The following RFX7 variants were observed in gnomAD, a reference collection of about 807,000 sequenced individuals.
The protein encoded by RFX7 is DNA-binding protein RFX7.
RFX7 carries 26 observed loss-of-function variants against 111.8 expected under a neutral mutation model. That is an observed-to-expected ratio of 0.23 (90% CI 0.17 to 0.32). The LOEUF (loss-of-function observed/expected upper bound fraction) is 0.32, where lower values mean the gene tolerates loss of function less well. RFX7 is among the 10% of genes least tolerant of loss of function. The probability of loss-of-function intolerance (pLI) is 1.00; values close to 1 mark genes in which losing one functional copy is unlikely to be tolerated. For missense variants in RFX7, 1,573 were observed against 1,772.9 expected (o/e 0.89, Z 2.02); for synonymous variants, 624 against 624.4 (o/e 1.00, Z 0.01).
chr15:56,187,977 G>A (rs1213828345), intron 2 of RFX7, among the ~76,000 whole-genome samples: 1 of 152,148 alleles, frequency 6.6e-6, no homozygotes, highest in Non-Finnish European at 1.5e-5. Context: ...GCAGCTCACA[G>A]ACACTAAATC....
intron 2 of RFX7, among the ~76,000 whole-genome samples, chr15:56,190,705 A>T (rs1255732619): frequency 1.3e-5 from 2 of 152,084 alleles, no homozygotes; most frequent in Non-Finnish European, 2.9e-5. Context: ...ATCAGACAGC[A>T]GAAGCACCAT....
intron 9 of RFX7, among the ~76,000 whole-genome samples, chr15:56,097,764 A>AAAAAAAAAAAAAT (rs1186651251): frequency 6.6e-6 from 1 of 150,410 alleles, no homozygotes; most frequent in Non-Finnish European, 1.5e-5. Context: ...AAAAAAAAAA[A>AAAAAAAAAAAAAT]AAAAAAATCT....
chr15:56,145,052 G>A (rs1406184794), intron 3 of RFX7, among the ~76,000 whole-genome samples: 3 of 152,190 alleles, frequency 2.0e-5, no homozygotes, highest in East Asian at 1.9e-4. Flanking sequence ...CCTTACAGAT[G>A]TAATTATTTG....
chr15:56,222,251 T>C (rs1329788582), intron 2 of RFX7, among the ~76,000 whole-genome samples: 1 of 152,212 alleles, frequency 6.6e-6, no homozygotes, highest in African/African-American at 2.4e-5. Context: ...TCCCTATGTA[T>C]ATCACGTATC....
intron 5 of RFX7, among the ~76,000 whole-genome samples, chr15:56,137,974 G>T (rs1232589305): frequency 4.6e-5 from 7 of 151,786 alleles, no homozygotes; most frequent in African/African-American, 1.7e-4. Flanking sequence ...ACTGTGGTCT[G>T]AGAGACAGTT....
rs553119350 is a variant in RFX7 at position 56,207,238 on chromosome 15, T to C, written c.162-27935A>G. 4.6e-5 allele frequency among the ~76,000 whole-genome samples: 7 copies of C among 152,218 alleles called. No homozygotes were observed. The South Asian group carries it at 8.3e-4, about 18-fold the overall frequency. On this transcript the variant is annotated intron_variant, in intron 2 of 9. Transcript: ENST00000559447. ...TACCTAGAGTAGTGAAATTCTGAGA[T>C]AGAAAGTAGAACTGTGGGTATCAGA...
chr15:56,220,877 A>C (rs1475436297), intron 2 of RFX7, among the ~76,000 whole-genome samples: 16 of 152,198 alleles, frequency 1.1e-4, no homozygotes, highest in Non-Finnish European at 1.3e-4. Flanking sequence ...AAATGGGTCC[A>C]GTTTCAATTC....
chr15:56,094,846 G>A lies in RFX7; in HGVS notation c.2882C>T (p.Thr961Ile). The change falls in exon 10 of 10, where the codon ACC (threonine) becomes ATC (isoleucine). Residue 961 changes from threonine to isoleucine, a missense_variant. By Grantham distance (89) the Thr-to-Ile change is moderately conservative. This residue lies in a region of RFX7 where 625 missense variants were observed against 632.2 expected (regional missense o/e 0.99). Coordinates refer to ENST00000559447, the MANE Select transcript of RFX7 (RefSeq NM_022841.7). ...TPTPTPTPTP[T>I]PTPTSEMIAG... ...AATCATTTCAGATGTCGGGGTTGGG[G>A]TTGGGGTTGGAGTAGGAGTGGGTGT... 2 of 1,557,214 alleles carry A rather than the reference G, an allele frequency of 1.3e-6. No homozygotes were observed. Among genetic ancestry groups the A allele is most frequent in the Non-Finnish European group, 1.7e-6 (2 of 1,150,826 alleles).
Position 56,095,248 on chromosome 15 carries a change from G to A in RFX7, c.2480C>T (p.Pro827Leu), listed in dbSNP as rs763680175. The change falls in exon 10 of 10, where the codon CCA (proline) becomes CTA (leucine). Residue 827 changes from proline (P) to leucine (L), a missense_variant. This residue lies in a region of RFX7 where 625 missense variants were observed against 632.2 expected (regional missense o/e 0.99). Coordinates refer to ENST00000559447, the MANE Select transcript of RFX7 (RefSeq NM_022841.7). Reference sequence around the variant, plus strand: ...TAGCTGCTGGCTATATGTGTCCTGTGGCATTCCTTCTAATTCCCAAACAGA... The same window carrying A: ...TAGCTGCTGGCTATATGTGTCCTGTAGCATTCCTTCTAATTCCCAAACAGA... Reference protein sequence around the residue: ...EKSVWELEGMPQDTYSQQLHS... With the variant: ...EKSVWELEGMLQDTYSQQLHS... The A allele has an allele frequency of 8.7e-6, 14 of 1,613,578 alleles. No homozygotes were observed. The highest frequency in any genetic ancestry group is 1.2e-5 in the Non-Finnish European group (14 of 1,179,710).
chr15:56,175,592 G>A (rs1209462187), intron 3 of RFX7, among the ~76,000 whole-genome samples: 1 of 152,080 alleles, frequency 6.6e-6, no homozygotes, highest in Non-Finnish European at 1.5e-5. Context: ...CACATATAAT[G>A]ATTTTTGATA....
Position 56,170,317 on chromosome 15 carries a change from T to C in RFX7, c.195+8953A>G, listed in dbSNP as rs182494028. Among the ~76,000 whole-genome samples the C allele has an allele frequency of 1.7e-3, 253 of 152,242 alleles. 2 individuals are homozygous for C. The highest frequency in any genetic ancestry group is 5.7e-3 in the African/African-American group (238 of 41,540). ...AATCATAGAAGGCTTTCCAGAGGGG[T>C]TGATATCTAAGACGAATCCTAAACT... On this transcript the variant is annotated intron_variant, in intron 3 of 9. Transcript: ENST00000559447.
intron 5 of RFX7, among the ~76,000 whole-genome samples, chr15:56,126,979 C>T (rs755003511): frequency 6.6e-6 from 1 of 152,248 alleles, no homozygotes; most frequent in East Asian, 1.9e-4. Flanking sequence ...ACACAGATGA[C>T]TTGATCAACA....
intron 3 of RFX7, among the ~76,000 whole-genome samples, chr15:56,150,451 T>A (rs1186321160): frequency 1.3e-5 from 2 of 152,172 alleles, no homozygotes; most frequent in Non-Finnish European, 2.9e-5. Flanking sequence ...GGTCGCAGCT[T>A]CCAGAGGAAA....
chr15:56,185,121 G>A (rs2043024069), intron 2 of RFX7, among the ~76,000 whole-genome samples: 1 of 152,046 alleles, frequency 6.6e-6, no homozygotes, highest in South Asian at 2.1e-4. Context: ...TTCTATTCCT[G>A]AAAAATTTCC....
intron 5 of RFX7, among the ~76,000 whole-genome samples, chr15:56,122,248 C>T (rs922231598): frequency 4.6e-5 from 7 of 152,120 alleles, no homozygotes; most frequent in Non-Finnish European, 5.9e-5. Flanking sequence ...GGGGGCATTA[C>T]AAGTCCAGTA....
intron 3 of RFX7, among the ~76,000 whole-genome samples, chr15:56,156,606 T>A (rs1020028076): frequency 1.3e-5 from 2 of 152,090 alleles, no homozygotes; most frequent in Non-Finnish European, 2.9e-5. Context: ...AGTACAAGTG[T>A]CTGGTAACAA....
rs1224219944 is a variant in RFX7 at position 56,095,328 on chromosome 15, T to C, written c.2400A>G (p.Gln800=). 9 of 1,613,838 alleles carry C rather than the reference T, an allele frequency of 5.6e-6. No homozygotes were observed. The African/African-American group carries it at 1.2e-4, about 22-fold the overall frequency. ...CAGGAATTGTCATAACACTGATATCTTGCTGTTGTTCACAACTGGCAGATA... is the reference window on the plus strand; with the variant it reads ...CAGGAATTGTCATAACACTGATATCCTGCTGTTGTTCACAACTGGCAGATA... The part of the protein sequence containing the change: ...EFISASCEQQ[Q]DISVMTIPEH... The change falls in exon 10 of 10, where the codon CAA becomes CAG. Residue 800 remains glutamine, a synonymous_variant. Transcript: ENST00000559447.
intron 8 of RFX7, among the ~76,000 whole-genome samples, chr15:56,100,753 G>A (rs544317922): frequency 1.2e-4 from 18 of 152,198 alleles, no homozygotes; most frequent in African/African-American, 4.3e-4. Context: ...TAATTTAGGA[G>A]GGAGTCATTC....
intron 3 of RFX7, among the ~76,000 whole-genome samples, chr15:56,150,321 C>G (rs1437203476): frequency 6.6e-6 from 1 of 152,040 alleles, no homozygotes; most frequent in African/African-American, 2.4e-5. Context: ...AAGGCTCAGT[C>G]TGTCTCCTCA....
Sources: gnomAD v4.1 joint callset for allele counts (sites outside exome capture counted in the v4.1 genomes callset) on GRCh38, gnomAD v4.1.1 for gene constraint, gnomAD v4.1.1 regional missense constraint, MANE v1.5 for transcripts, NCBI Gene and HGNC (gene_info 2026-07-23, HGNC 2026-07-21) for gene names.